The following PXDNL variants were observed in gnomAD, a reference collection of about 807,000 sequenced individuals.
PXDNL encodes the protein probable oxidoreductase PXDNL.
Under a neutral mutation model 150.8 loss-of-function variants are expected in PXDNL, and 145 were observed. The ratio of observed to expected loss-of-function variants is 0.96; its 90% confidence interval spans 0.84 to 1.10. The LOEUF is 1.10. Ranked by LOEUF, PXDNL falls within the 50% of genes least tolerant of loss-of-function variation. PXDNL has a pLI of 0.00. For synonymous variants in PXDNL, 757 were observed against 725.7 expected, an observed-to-expected ratio of 1.04 and a Z score of -0.69; for missense variants, 2,087 against 1,873.9, an observed-to-expected ratio of 1.11 and a Z score of -2.10.
intron 1 of PXDNL, among the ~76,000 whole-genome samples, chr8:51,686,604 G>T (rs1815882752): frequency 6.6e-6 from 1 of 152,118 alleles, no homozygotes; most frequent in African/African-American, 2.4e-5. Context: ...TGCTTTATAT[G>T]CATGAGAATT....
At chr8:51,671,359 C>T (rs1250581704) in intron 1 of PXDNL, among the ~76,000 whole-genome samples, 2 of 152,154 alleles carry the variant, frequency 1.3e-5, no homozygotes, top group African/African-American at 2.4e-5. Context: ...TTTATAGTGT[C>T]CTCCTTTGGA....
intron 4 of PXDNL, among the ~76,000 whole-genome samples, chr8:51,542,682 C>T (rs958499800): frequency 7.3e-5 from 11 of 151,592 alleles, no homozygotes; most frequent in African/African-American, 1.7e-4. Context: ...TGGTGGGAGG[C>T]GCCTGTAATC....
chr8:51,615,693 A>G (rs1303658628), intron 2 of PXDNL, among the ~76,000 whole-genome samples: 2 of 152,252 alleles, frequency 1.3e-5, no homozygotes, highest in Admixed American at 1.3e-4. Flanking sequence ...CATTCATTAT[A>G]AGGTAATCTC....
At chr8:51,363,324 C>A (rs534017609) in intron 19 of PXDNL, among the ~76,000 whole-genome samples, 1 of 151,516 alleles carries the variant, frequency 6.6e-6, no homozygotes, top group African/African-American at 2.4e-5. Context: ...CAGGACAAGC[C>A]GTAGACAAAA....
At chr8:51,613,986 A>G (rs77621667) in intron 2 of PXDNL, among the ~76,000 whole-genome samples, 4,445 of 152,302 alleles carry the variant, frequency 0.029, 209 homozygotes, top group African/African-American at 0.098. Context: ...CTGAAGCAGC[A>G]GGAAGTGATT....
intron 2 of PXDNL, among the ~76,000 whole-genome samples, chr8:51,628,376 C>T (rs1814408477): frequency 6.9e-6 from 1 of 144,490 alleles, no homozygotes. Flanking sequence ...CCTTTTTCAT[C>T]TCTCTCTGTT....
rs1439097973 is a variant in PXDNL at position 51,408,757 on chromosome 8, G to C, written c.2867C>G (p.Ala956Gly). The C allele has an allele frequency of 6.3e-7, 1 of 1,585,454 alleles. No homozygotes were observed. The highest frequency in any genetic ancestry group is 8.6e-7 in the Non-Finnish European group (1 of 1,166,086). Residue 956 changes from alanine (A) to glycine (G), a missense_variant, in exon 17 of 23, where the codon GCC becomes GGC. Physicochemically the swap from Ala to Gly is moderately conservative, Grantham distance 60. Transcript: ENST00000356297. ...RQEQESPCFL[A>G]GDHRANEHLA... ...ATGCTCGTTGGCCCGGTGGTCCCCG[G>C]CCAGGAAACAGGGGCTCTCCTGCTC...
At chr8:51,766,465 AG>A (rs2037232741) in intron 1 of PXDNL, among the ~76,000 whole-genome samples, 2 of 152,208 alleles carry the variant, frequency 1.3e-5, no homozygotes, top group South Asian at 4.1e-4. Flanking sequence ...AGAACTAGTT[AG>A]GGTCCTTTAT....
intron 2 of PXDNL, among the ~76,000 whole-genome samples, chr8:51,630,510 G>A (rs1018144589): frequency 1.1e-4 from 17 of 151,952 alleles, no homozygotes; most frequent in Admixed American, 2.6e-4. Flanking sequence ...CCTACAAAAC[G>A]GGAGAAAATA....
At chr8:51,492,006 A>G (rs1490142986) in intron 5 of PXDNL, among the ~76,000 whole-genome samples, 2 of 152,224 alleles carry the variant, frequency 1.3e-5, no homozygotes, top group Non-Finnish European at 2.9e-5. Context: ...TCCAGCACAA[A>G]GCAAACAAAA....
At chr8:51,699,296 C>A (rs553787175) in intron 1 of PXDNL, among the ~76,000 whole-genome samples, 16 of 152,304 alleles carry the variant, frequency 1.1e-4, no homozygotes, top group African/African-American at 3.6e-4. Context: ...CGATGCTAAG[C>A]ACTTGCACTT....
intron 4 of PXDNL, among the ~76,000 whole-genome samples, chr8:51,534,062 T>G (rs1336874906): frequency 7.2e-6 from 1 of 138,440 alleles, no homozygotes; most frequent in Non-Finnish European, 1.5e-5. Flanking sequence ...CCCGCCGCCA[T>G]CCCATCTAGG....
chr8:51,467,876 G>A (rs1454485606), intron 8 of PXDNL, among the ~76,000 whole-genome samples: 1 of 151,914 alleles, frequency 6.6e-6, no homozygotes, highest in Non-Finnish European at 1.5e-5. Context: ...AGCCTGGCAG[G>A]TTTCTCTCAT....
intron 1 of PXDNL, among the ~76,000 whole-genome samples, chr8:51,691,512 A>G (rs950047373): frequency 1.3e-5 from 2 of 152,140 alleles, no homozygotes; most frequent in Admixed American, 6.5e-5. Context: ...TTTCTAAAAA[A>G]CATGGCTATT....
chr8:51,482,732 C>T (rs574335753), intron 6 of PXDNL, among the ~76,000 whole-genome samples: 1 of 152,272 alleles, frequency 6.6e-6, no homozygotes, highest in Non-Finnish European at 1.5e-5. Flanking sequence ...TCTTGCCTGC[C>T]ACCATGTAAG....
intron 13 of PXDNL, 94 bp from the exon 14 acceptor site, chr8:51,423,825 A>T: frequency 4.3e-6 from 5 of 1,163,786 alleles, no homozygotes; most frequent in Non-Finnish European, 6.0e-6. Flanking sequence ...TATTCAACAG[A>T]TATCTATTGC....
chr8:51,322,313 C>T (rs1004453081), intron 21 of PXDNL, among the ~76,000 whole-genome samples: 2 of 143,712 alleles, frequency 1.4e-5, no homozygotes, highest in African/African-American at 5.6e-5. Flanking sequence ...AGGGAAAAGG[C>T]ATTTCAGGCA....
At chr8:51,740,362 G>A (rs1585713831) in intron 1 of PXDNL, among the ~76,000 whole-genome samples, 1 of 152,254 alleles carries the variant, frequency 6.6e-6, no homozygotes, top group East Asian at 1.9e-4. Context: ...TAATATTGCT[G>A]GGTCAAATGG....
Position 51,463,884 on chromosome 8 carries a change from T to G in PXDNL, c.813-6217A>C, listed in dbSNP as rs543310378. ...AAATTAAAACAAATCAAAAAATTCT[T>G]TGAAATTCATTAAAATAGAAACACA... On this transcript the variant is annotated intron_variant, in intron 8 of 22. Transcript: ENST00000356297. Among the ~76,000 whole-genome samples the G allele has an allele frequency of 7.2e-5, 11 of 152,234 alleles. No homozygotes were observed. The South Asian group carries it at 2.1e-3, about 29-fold the overall frequency.
Sources: gnomAD v4.1 joint callset for allele counts (sites outside exome capture counted in the v4.1 genomes callset) on GRCh38, gnomAD v4.1.1 for gene constraint, MANE v1.5 for transcripts, NCBI Gene and HGNC (gene_info 2026-07-23, HGNC 2026-07-21) for gene names.